The following MGAT5 variants were observed in gnomAD, a reference collection of about 807,000 sequenced individuals.
The protein encoded by MGAT5 is alpha-1,6-mannosylglycoprotein 6-beta-N-acetylglucosaminyltransferase.
MGAT5 carries 30 observed loss-of-function variants against 94.3 expected under a neutral mutation model. The observed-to-expected ratio is 0.32, with a 90% CI of 0.24 to 0.43. The LOEUF is 0.43. MGAT5 is among the 20% of genes least tolerant of loss of function. The pLI, the probability that MGAT5 is intolerant of heterozygous loss-of-function variation, is 1.00. For missense variants in MGAT5, 691 were observed against 905.5 expected, an observed-to-expected ratio of 0.76 and a Z score of 3.04; for synonymous variants, 310 against 322.9, an observed-to-expected ratio of 0.96 and a Z score of 0.43.
intron 1 of MGAT5, among the ~76,000 whole-genome samples, chr2:134,259,521 C>T (rs927211688): frequency 2.6e-5 from 4 of 152,208 alleles, no homozygotes; most frequent in African/African-American, 7.2e-5. Flanking sequence ...ACCCTGGCTT[C>T]TCTGGGCTGG....
intron 1 of MGAT5, among the ~76,000 whole-genome samples, chr2:134,193,675 T>TTG (rs58044792): frequency 0.11 from 13,801 of 130,628 alleles, 688 homozygotes; most frequent in South Asian, 0.14. Context: ...CCCCAAATCT[T>TTG]TGTGTGTGTG....
intron 12 of MGAT5, among the ~76,000 whole-genome samples, chr2:134,422,530 A>G (rs978458881): frequency 1.3e-5 from 2 of 152,038 alleles, no homozygotes; most frequent in Admixed American, 6.6e-5. Context: ...ACTGTTCATC[A>G]TTTCTTGATG....
intron 9 of MGAT5, among the ~76,000 whole-genome samples, chr2:134,360,236 G>T (rs1445571409): frequency 6.6e-6 from 1 of 152,164 alleles, no homozygotes; most frequent in Non-Finnish European, 1.5e-5. Flanking sequence ...CCAAATTATA[G>T]TCATAGCAGC....
chr2:134,345,684 A>G (rs141213086), intron 8 of MGAT5, among the ~76,000 whole-genome samples: 187 of 152,322 alleles, frequency 1.2e-3, no homozygotes, highest in African/African-American at 4.0e-3. Context: ...AATGAATTAC[A>G]TAACGAAATT....
rs763608726 is a variant in MGAT5, at chr2:134,264,017, G to GTTTTTTTTTTT, written c.242-6357_242-6347dup. On this transcript the variant is annotated intron_variant, in intron 1 of 15. Transcript: ENST00000281923. ...ATACTGCATTTCCTTATGCCATTAG[G>GTTTTTTTTTTT]TTTTTTTTTTTTTTTTTTTTTTGAG... 1.2e-4 allele frequency among the ~76,000 whole-genome samples: 13 copies of GTTTTTTTTTTT among 108,940 alleles called. 1 individual carries two copies. The highest frequency in any genetic ancestry group is 3.9e-4 in the African/African-American group (10 of 25,840). The allele number at this position is 108,940 out of a possible 152,430, so 71.5% of individuals were successfully genotyped here. A position where few individuals can be genotyped will look rare whatever the true frequency, so the allele number is the denominator to read the frequency against.
intron 9 of MGAT5, among the ~76,000 whole-genome samples, chr2:134,350,343 C>T (rs541862487): frequency 8.5e-4 from 130 of 152,106 alleles, no homozygotes; most frequent in African/African-American, 3.0e-3. Context: ...ATAATTAAAC[C>T]TTAATTATTT....
intron 1 of MGAT5, among the ~76,000 whole-genome samples, chr2:134,264,948 G>C (rs1295288531): frequency 6.6e-6 from 1 of 152,212 alleles, no homozygotes; most frequent in Non-Finnish European, 1.5e-5. Flanking sequence ...TCATTGCGTA[G>C]TTGGTTCTGT....
intron 1 of MGAT5, among the ~76,000 whole-genome samples, chr2:134,203,342 A>G (rs754268538): frequency 6.6e-6 from 1 of 152,144 alleles, no homozygotes; most frequent in Admixed American, 6.5e-5. Context: ...TGCATTTTTA[A>G]TGAGCACCCC....
intron 14 of MGAT5, among the ~76,000 whole-genome samples, chr2:134,436,538 C>T (rs1292358152): frequency 6.6e-6 from 1 of 152,074 alleles, no homozygotes; most frequent in African/African-American, 2.4e-5. Context: ...AAGAAATGAA[C>T]AAATAGGGCA....
At chr2:134,224,330 G>A (rs1463264873) in intron 1 of MGAT5, among the ~76,000 whole-genome samples, 2 of 152,208 alleles carry the variant, frequency 1.3e-5, no homozygotes, top group African/African-American at 4.8e-5. Context: ...ATGAATGAGT[G>A]ATAACCTGTG....
At chr2:134,159,221 GT>G (rs1687617679) in intron 1 of MGAT5, among the ~76,000 whole-genome samples, 1 of 150,452 alleles carries the variant, frequency 6.6e-6, no homozygotes, top group African/African-American at 2.4e-5. Context: ...GTGTGTGTGT[GT>G]GTGGTCCCTG....
intron 1 of MGAT5, among the ~76,000 whole-genome samples, chr2:134,131,971 C>T (rs779586706): frequency 6.6e-6 from 1 of 152,174 alleles, no homozygotes; most frequent in Non-Finnish European, 1.5e-5. Flanking sequence ...CTGAGCAGGT[C>T]TAGGTCGGCC....
At chr2:134,239,321 C>G (rs539965306) in intron 1 of MGAT5, among the ~76,000 whole-genome samples, 1 of 94,452 alleles carries the variant, frequency 1.1e-5, no homozygotes, top group Admixed American at 1.0e-4. Flanking sequence ...CTCTATATAT[C>G]TTGGGGTTTC....
intron 1 of MGAT5, among the ~76,000 whole-genome samples, chr2:134,175,947 C>G (rs1234454046): frequency 1.3e-5 from 2 of 152,180 alleles, no homozygotes; most frequent in Non-Finnish European, 2.9e-5. Flanking sequence ...TGGCTATTTT[C>G]TGGGAGCAGG....
In MGAT5 at chr2:134,450,898, C is replaced by T. The variant is rs1356458796; in HGVS notation, c.*2051C>T. 4 of 151,734 alleles carry T rather than the reference C, an allele frequency of 2.6e-5. No homozygotes were observed. The highest frequency in any genetic ancestry group is 9.7e-5 in the African/African-American group (4 of 41,256). 9.4% of individuals were successfully genotyped at this position (151,734 alleles called of 1,614,324 possible). On this transcript the variant is annotated 3_prime_UTR_variant, in exon 16 of 16. Coordinates refer to ENST00000281923, the MANE Select transcript of MGAT5 (RefSeq NM_002410.5). ...AGTAGGAGGGCAGATGACTGGCATC[C>T]TTGCTGTAAGGAAGAGCTTTTTCCT...
intron 12 of MGAT5, 142 bp from the exon 13 acceptor site, chr2:134,422,661 G>A (rs1209788684): frequency 2.2e-5 from 14 of 635,592 alleles, no homozygotes; most frequent in Non-Finnish European, 3.4e-5. Flanking sequence ...GCTTATGGAT[G>A]GTTTTGATCA....
intron 1 of MGAT5, among the ~76,000 whole-genome samples, chr2:134,194,277 A>G (rs1398316722): frequency 6.6e-6 from 1 of 152,146 alleles, no homozygotes; most frequent in African/African-American, 2.4e-5. Flanking sequence ...TCTCGGAGCT[A>G]TCTGCAATGA....
intron 10 of MGAT5, among the ~76,000 whole-genome samples, chr2:134,387,070 T>A (rs1682029760): frequency 6.6e-6 from 1 of 151,722 alleles, no homozygotes; most frequent in African/African-American, 2.4e-5. Context: ...GAGACCAGCC[T>A]GACCAACATG....
intron 10 of MGAT5, among the ~76,000 whole-genome samples, chr2:134,390,091 G>A (rs1682308280): frequency 1.3e-5 from 2 of 152,108 alleles, no homozygotes; most frequent in South Asian, 4.1e-4. Context: ...ATGAAAAAAG[G>A]CTGAGTTTGA....
Sources: gnomAD v4.1 joint callset for allele counts (sites outside exome capture counted in the v4.1 genomes callset) on GRCh38, gnomAD v4.1.1 for gene constraint, MANE v1.5 for transcripts, NCBI Gene and HGNC (gene_info 2026-07-23, HGNC 2026-07-21) for gene names.